BCAT1: variants seen among roughly 807,000 people sequenced by gnomAD.
BCAT1 encodes branched chain amino acid transaminase 1.
A neutral mutation model predicts 52.4 loss-of-function variants in BCAT1; 48 were observed. The observed-to-expected ratio is 0.92, with a 90% CI of 0.73 to 1.16. The LOEUF (loss-of-function observed/expected upper bound fraction) is 1.16, where lower values mean the gene tolerates loss of function less well. Ranked by LOEUF, BCAT1 falls within the 50% of genes most tolerant of loss-of-function variation. The probability of loss-of-function intolerance (pLI) is 0.00; values close to 1 mark genes in which losing one functional copy is unlikely to be tolerated. For missense variants in BCAT1, 451 were observed against 457.1 expected, an observed-to-expected ratio of 0.99 and a Z score of 0.12; for synonymous variants, 167 against 161.3, an observed-to-expected ratio of 1.04 and a Z score of -0.27.
chr12:24,831,635 A>G (rs189010030), intron 9 of BCAT1, among the ~76,000 whole-genome samples: 2 of 152,302 alleles, frequency 1.3e-5, no homozygotes, highest in African/African-American at 4.8e-5. Flanking sequence ...GGTGACAGAG[A>G]AAGACCCCGT....
chr12:24,886,136 A>C (rs534950438), intron 3 of BCAT1, among the ~76,000 whole-genome samples: 1 of 152,364 alleles, frequency 6.6e-6, no homozygotes, highest in South Asian at 2.1e-4. Flanking sequence ...TGAAAAGGCG[A>C]GCTGGGAACC....
At chr12:24,948,801 C>G in intron 1 of BCAT1, 126 bp downstream of exon 1, 1 of 1,021,174 alleles carries the variant, frequency 9.8e-7, no homozygotes, top group East Asian at 2.7e-5. Flanking sequence ...GAGACGTTTG[C>G]GGGGGATATA....
intron 8 of BCAT1, among the ~76,000 whole-genome samples, chr12:24,835,628 T>C (rs998147426): frequency 2.6e-5 from 4 of 151,942 alleles, no homozygotes; most frequent in African/African-American, 9.7e-5. Flanking sequence ...TCACCCTGTA[T>C]TCAGGCTGTA....
Position 24,817,498 on chromosome 12 carries a change from G to C in BCAT1, c.*510C>G, listed in dbSNP as rs1016794609. On this transcript the variant is annotated 3_prime_UTR_variant, in exon 11 of 11. Transcript: ENST00000261192. ...TATTTACCTTAACACGGACTTGGAGGACCTTCAAAAAACAGTGATGGGAGG... is the reference window on the plus strand; with the variant it reads ...TATTTACCTTAACACGGACTTGGAGCACCTTCAAAAAACAGTGATGGGAGG... 1 of 156,776 alleles carries C rather than the reference G, an allele frequency of 6.4e-6. No homozygotes were observed. Among genetic ancestry groups the C allele is most frequent in the Non-Finnish European group, 1.4e-5 (1 of 70,870 alleles). 9.7% of individuals were successfully genotyped at this position (156,776 alleles called of 1,614,324 possible).
At chr12:24,903,019 G>A in intron 1 of BCAT1, 1 of 1,423,744 alleles carries the variant, frequency 7.0e-7, no homozygotes, top group Non-Finnish European at 9.1e-7. Context: ...GGGCTGCAGA[G>A]AGCGGCAGTG....
chr12:24,836,487 G>A lies in BCAT1; in HGVS notation c.903+24C>T, dbSNP rs377030480. 5.7e-6 allele frequency: 9 copies of A among 1,582,846 alleles called. No homozygotes were observed. The African/African-American group carries it at 1.2e-4, about 21-fold the overall frequency. On this transcript the variant is annotated intron_variant, in intron 8 of 10. Coordinates refer to ENST00000261192, the MANE Select transcript of BCAT1 (RefSeq NM_005504.7). Reference sequence around the variant, plus strand: ...TATTTTTTATTTCAGGCTTACAAAAGTTGTTCATATCAAAGGCACCCACCC... The same window carrying A: ...TATTTTTTATTTCAGGCTTACAAAAATTGTTCATATCAAAGGCACCCACCC...
intron 1 of BCAT1, among the ~76,000 whole-genome samples, chr12:24,932,438 GACCAGTCAGTATAAATTTGT>G (rs1381579663): frequency 1.3e-5 from 2 of 152,188 alleles, no homozygotes. Context: ...AGCTTTCCCT[GACCAGTCAGTATAAATTTGT>G]ACCAGCTTTC....
intron 9 of BCAT1, among the ~76,000 whole-genome samples, chr12:24,831,106 C>G (rs1180136469): frequency 6.6e-6 from 1 of 152,190 alleles, no homozygotes; most frequent in African/African-American, 2.4e-5. Flanking sequence ...AATCCCTCCT[C>G]CTCCTCCTCC....
At chr12:24,875,291 T>A (rs1189300056) in intron 5 of BCAT1, among the ~76,000 whole-genome samples, 3 of 152,230 alleles carry the variant, frequency 2.0e-5, no homozygotes, top group African/African-American at 7.2e-5. Context: ...CCATATACAT[T>A]ATTGGATGTT....
chr12:24,899,013 A>G (rs1056109354), intron 2 of BCAT1, among the ~76,000 whole-genome samples: 1 of 152,220 alleles, frequency 6.6e-6, no homozygotes, highest in African/African-American at 2.4e-5. Flanking sequence ...TTTAAAATCT[A>G]ATAAAGAGGA....
chr12:24,839,174 T>C (rs1189823876), intron 7 of BCAT1, among the ~76,000 whole-genome samples: 1 of 152,168 alleles, frequency 6.6e-6, no homozygotes, highest in Non-Finnish European at 1.5e-5. Flanking sequence ...TGGAGAATGC[T>C]GGAATGCTGA....
At chr12:24,822,439 G>C (rs1940177814) in intron 10 of BCAT1, among the ~76,000 whole-genome samples, 1 of 152,180 alleles carries the variant, frequency 6.6e-6, no homozygotes, top group South Asian at 2.1e-4. Flanking sequence ...CAATTTATCA[G>C]AGCACTTTGT....
chr12:24,913,771 G>A (rs928287222), intron 1 of BCAT1, among the ~76,000 whole-genome samples: 1 of 152,208 alleles, frequency 6.6e-6, no homozygotes, highest in African/African-American at 2.4e-5. Context: ...GCCTCTCTGA[G>A]CATGCATTTC....
At chr12:24,878,898 T>C (rs970006001) in intron 4 of BCAT1, among the ~76,000 whole-genome samples, 14 of 152,276 alleles carry the variant, frequency 9.2e-5, no homozygotes, top group Middle Eastern at 3.4e-3. Context: ...GTATAATTTA[T>C]GGTACCAATA....
chr12:24,828,505 A>G (rs1242914958), intron 10 of BCAT1, among the ~76,000 whole-genome samples: 1 of 152,226 alleles, frequency 6.6e-6, no homozygotes, highest in East Asian at 1.9e-4. Context: ...TAGTGAAAAA[A>G]AAATTGCCAA....
chr12:24,925,272 A>G (rs1029423466), intron 1 of BCAT1, among the ~76,000 whole-genome samples: 1 of 152,158 alleles, frequency 6.6e-6, no homozygotes, highest in African/African-American at 2.4e-5. Flanking sequence ...TAGATACTGT[A>G]CCTGACCTGC....
chr12:24,881,492 G>A (rs188509206), intron 3 of BCAT1, 81 bp from the exon 4 acceptor site: 45 of 861,014 alleles, frequency 5.2e-5, no homozygotes, highest in African/African-American at 1.5e-4. Flanking sequence ...TCCTATGGGC[G>A]TTCATCTTAT....
At chr12:24,916,431 A>T (rs1324374491) in intron 1 of BCAT1, among the ~76,000 whole-genome samples, 1 of 151,820 alleles carries the variant, frequency 6.6e-6, no homozygotes, top group African/African-American at 2.4e-5. Context: ...GTCCGGTTGC[A>T]CTCAAAAAAA....
intron 1 of BCAT1, among the ~76,000 whole-genome samples, chr12:24,918,069 C>T (rs945533928): frequency 1.3e-5 from 2 of 152,192 alleles, no homozygotes; most frequent in Non-Finnish European, 2.9e-5. Flanking sequence ...TTTCGAAGTC[C>T]ACTTTGTTCT....
Sources: gnomAD v4.1 joint callset for allele counts (sites outside exome capture counted in the v4.1 genomes callset) on GRCh38, gnomAD v4.1.1 for gene constraint, MANE v1.5 for transcripts, NCBI Gene and HGNC (gene_info 2026-07-23, HGNC 2026-07-21) for gene names.